The following DIP2A variants were observed in gnomAD, a reference collection of about 807,000 sequenced individuals.
DIP2A encodes DIP2 acetate--CoA ligase A.
DIP2A carries 85 observed loss-of-function variants against 177.4 expected under a neutral mutation model. The observed-to-expected ratio is 0.48, with a 90% CI of 0.40 to 0.57. The LOEUF (loss-of-function observed/expected upper bound fraction) is 0.57, where lower values mean the gene tolerates loss of function less well. Ranked by LOEUF, DIP2A falls within the 20% of genes least tolerant of loss-of-function variation. The pLI is 0.00. For missense variants in DIP2A, 1,791 were observed against 2,100.2 expected (o/e 0.85, Z 2.88); for synonymous variants, 886 against 881.8 (o/e 1.00, Z -0.08).
rs1287208301 is a variant in DIP2A, at chr21:46,567,954, C to A, written c.*332C>A. The A allele has an allele frequency of 8.2e-6, 2 of 242,564 alleles. No individual in the cohort carries two copies. The highest frequency in any genetic ancestry group is 4.5e-5 in the African/African-American group (2 of 44,792). The allele number at this position is 242,564 out of a possible 1,614,324, so 15.0% of individuals were successfully genotyped here. ...CTGCTGTACTGCAAGTTTGCACTTTCTTTAGGCTAAAAATATAGTTCCTGA... is the reference window on the plus strand; with the variant it reads ...CTGCTGTACTGCAAGTTTGCACTTTATTTAGGCTAAAAATATAGTTCCTGA... On this transcript the variant is annotated 3_prime_UTR_variant, in exon 38 of 38. Transcript: ENST00000417564.
At chr21:46,464,100 G>T (rs867604741) in intron 1 of DIP2A, among the ~76,000 whole-genome samples, 1 of 151,808 alleles carries the variant, frequency 6.6e-6, no homozygotes, top group Non-Finnish European at 1.5e-5. Flanking sequence ...GTATATAAAA[G>T]TTCTCATGTT....
chr21:46,484,778 A>G lies in DIP2A; in HGVS notation c.113A>G (p.Tyr38Cys). 6.3e-7 allele frequency: 1 copy of G among 1,581,022 alleles called. No individual in the cohort carries two copies. The highest frequency in any genetic ancestry group is 8.6e-7 in the Non-Finnish European group (1 of 1,163,256). The change falls in exon 2 of 38, where the codon TAT becomes TGT. Residue 38 changes from tyrosine to cysteine, a missense_variant. By Grantham distance (194) the Tyr-to-Cys change is radical (BLOSUM62 -2). Coordinates refer to ENST00000417564, the MANE Select transcript of DIP2A (RefSeq NM_015151.4). ...TTAGGTGACATCACTCAAAAAGGAT[A>G]TGAAAAGAAAAGGGCAAAGCTGCTT... ...LSEGDITQKGYEKKRAKLLAR... is the reference protein window; with the variant it reads ...LSEGDITQKGCEKKRAKLLAR...
intron 8 of DIP2A, among the ~76,000 whole-genome samples, chr21:46,518,713 C>T (rs753878295): frequency 3.3e-5 from 5 of 152,066 alleles, no homozygotes; most frequent in African/African-American, 1.2e-4. Flanking sequence ...AAAAATCAGC[C>T]GGGTGTGGTG....
intron 1 of DIP2A, among the ~76,000 whole-genome samples, chr21:46,462,136 C>T (rs904351327): frequency 3.9e-5 from 6 of 152,184 alleles, no homozygotes; most frequent in Admixed American, 3.9e-4. Context: ...TGGCTTCTTT[C>T]CCTGCTCCTA....
At chr21:46,550,815 C>T (rs547633877) in intron 23 of DIP2A, 71 bp downstream of exon 23, 339 of 1,503,656 alleles carry the variant, frequency 2.3e-4, no homozygotes, top group African/African-American at 5.9e-4. Context: ...GGTTAGGGTG[C>T]GGCCCTGCTA....
Position 46,537,387 on chromosome 21 carries a change from T to G in DIP2A, c.1708-59T>G. 1 of 1,611,062 alleles carries G rather than the reference T, an allele frequency of 6.2e-7. No individual in the cohort carries two copies. Among genetic ancestry groups the G allele is most frequent in the Non-Finnish European group, 8.5e-7 (1 of 1,177,316 alleles). On this transcript the variant is annotated intron_variant, in intron 14 of 37. Transcript: ENST00000417564. The surrounding 1 kb of genome is among the most constrained non-coding windows in gnomAD (Gnocchi z 4.1). Reference sequence around the variant, plus strand: ...TGTTGGGAGAGTACATCGGTTTTGTTTTGCTTTTTCTGGTGTGGCTCGGGC... The same window carrying G: ...TGTTGGGAGAGTACATCGGTTTTGTGTTGCTTTTTCTGGTGTGGCTCGGGC...
chr21:46,544,757 G>A (rs905399277), intron 18 of DIP2A, among the ~76,000 whole-genome samples: 6 of 152,104 alleles, frequency 3.9e-5, no homozygotes, highest in Admixed American at 3.3e-4. Context: ...ATGGTGTCCC[G>A]GGCTCGTGTG....
In DIP2A at chr21:46,542,725, C is replaced by T. The variant is rs145659588; in HGVS notation, c.2176+830C>T. Among the ~76,000 whole-genome samples, 52 of 152,358 alleles carry T rather than the reference C, an allele frequency of 3.4e-4. No homozygotes were observed. In the East Asian group the frequency reaches 8.5e-3, roughly 25 times the overall value. On this transcript the variant is annotated intron_variant, in intron 18 of 37. Transcript: ENST00000417564. ...CCTGTGATGGCCCTTCTGGGGTTCA[C>T]GGGCAGCTGTCAGGGCCCCTTTTGG...
intron 21 of DIP2A, among the ~76,000 whole-genome samples, chr21:46,548,181 CGTGTGTGTGTGTGT>C (rs151337762): frequency 1.4e-5 from 2 of 147,586 alleles, no homozygotes; most frequent in Admixed American, 6.8e-5. Flanking sequence ...TGCATGTGTG[CGTGTGTGTGTGTGT>C]GTGTGTGTGT....
At chr21:46,513,480 C>G (rs2058407275) in intron 8 of DIP2A, among the ~76,000 whole-genome samples, 2 of 152,138 alleles carry the variant, frequency 1.3e-5, no homozygotes, top group Admixed American at 1.3e-4. Flanking sequence ...TCTCCATGCT[C>G]TGAATCACTG....
chr21:46,529,181 A>G lies in DIP2A; in HGVS notation c.1192A>G (p.Arg398Gly). 6.6e-7 allele frequency: 1 copy of G among 1,507,060 alleles called. No homozygotes were observed. Among genetic ancestry groups the G allele is most frequent in the Non-Finnish European group, 9.0e-7 (1 of 1,116,608 alleles). 93.4% of individuals were successfully genotyped at this position (1,507,060 alleles called of 1,614,324 possible). A position where few individuals can be genotyped will look rare whatever the true frequency, so the allele number is the denominator to read the frequency against. ...TGAACCTCTACTTAAACCTGGAGAC[A>G]GAGTAAGTAACTAGAATGTCACTTT... ...KNEPLLKPGD[R>G]VALVFPNSDP... Residue 398 changes from arginine to glycine, a missense_variant and splice_region_variant, in exon 9 of 38, where the codon AGA becomes GGA. Arg to Gly is a moderately radical substitution (Grantham distance 125, BLOSUM62 -2). Coordinates refer to ENST00000417564, the MANE Select transcript of DIP2A (RefSeq NM_015151.4).
chr21:46,565,976 C>G, intron 36 of DIP2A, 89 bp downstream of exon 36: 1 of 1,454,812 alleles, frequency 6.9e-7, no homozygotes, highest in Non-Finnish European at 9.4e-7. Flanking sequence ...GCACACCTCA[C>G]TCCTTGCTGT....
intron 7 of DIP2A, among the ~76,000 whole-genome samples, chr21:46,510,647 T>C (rs950437701): frequency 7.6e-5 from 8 of 105,026 alleles, no homozygotes; most frequent in South Asian, 3.0e-4. Flanking sequence ...TTTTTTTTTT[T>C]TGAGGCAGAG....
chr21:46,544,194 C>G (rs2059936320), intron 18 of DIP2A, among the ~76,000 whole-genome samples: 1 of 151,926 alleles, frequency 6.6e-6, no homozygotes, highest in African/African-American at 2.4e-5. Flanking sequence ...CAGCAGGTCA[C>G]CGAGAGTTGG....
chr21:46,498,984 A>C lies in DIP2A; in HGVS notation c.655+151A>C. The C allele has an allele frequency of 1.8e-6, 1 of 557,120 alleles. No individual in the cohort carries two copies. Among genetic ancestry groups the C allele is most frequent in the Non-Finnish European group, 2.3e-6 (1 of 438,372 alleles). 34.5% of individuals were successfully genotyped at this position (557,120 alleles called of 1,614,324 possible). ...CTCTCCAAGTGACTGAGGTCACACA[A>C]CCCAGATAACCCATACTGGCTTATC... On this transcript the variant is annotated intron_variant, in intron 5 of 37. Transcript: ENST00000417564. The surrounding 1 kb of genome is among the most constrained non-coding windows in gnomAD (Gnocchi z 4.3).
intron 1 of DIP2A, among the ~76,000 whole-genome samples, chr21:46,481,419 A>C (rs2056335701): frequency 6.6e-6 from 1 of 152,236 alleles, no homozygotes; most frequent in Non-Finnish European, 1.5e-5. Flanking sequence ...GGCTATAAAC[A>C]ATTGTGTACA....
intron 6 of DIP2A, 36 bp downstream of exon 6, chr21:46,504,525 G>C (rs368614613): frequency 1.3e-6 from 2 of 1,569,510 alleles, no homozygotes; most frequent in Non-Finnish European, 1.7e-6. Flanking sequence ...TGAAATAGCA[G>C]AACACAGGTT....
intron 8 of DIP2A, among the ~76,000 whole-genome samples, chr21:46,528,438 G>A (rs2059199207): frequency 7.2e-6 from 1 of 139,104 alleles, no homozygotes; most frequent in Non-Finnish European, 1.5e-5. Context: ...TTACAGGCAT[G>A]TATACGTGTT....
intron 20 of DIP2A, 23 bp from the exon 21 acceptor site, chr21:46,546,892 T>C: frequency 6.2e-7 from 1 of 1,612,824 alleles, no homozygotes; most frequent in South Asian, 1.1e-5. Context: ...GGGTGGAGTC[T>C]TGACGCACAC....
Sources: allele counts gnomAD v4.1 joint callset (sites outside exome capture counted in the v4.1 genomes callset), GRCh38; gene constraint gnomAD v4.1.1; non-coding constraint Gnocchi (gnomAD v3.1); transcripts MANE v1.5; gene names NCBI Gene and HGNC (gene_info 2026-07-23, HGNC 2026-07-21).